The following BCKDHA variants were observed in gnomAD, a reference collection of about 807,000 sequenced individuals.
The protein encoded by BCKDHA is 2-oxoisovalerate dehydrogenase subunit alpha, mitochondrial.
A neutral mutation model predicts 52.2 loss-of-function variants in BCKDHA; 43 were observed. The ratio of observed to expected loss-of-function variants is 0.82; its 90% confidence interval spans 0.64 to 1.06. The LOEUF is 1.06. Ranked by LOEUF, BCKDHA falls within the 50% of genes least tolerant of loss-of-function variation. The pLI is 0.00. For missense variants in BCKDHA, 527 were observed against 621.3 expected (o/e 0.85, Z 1.61); for synonymous variants, 234 against 247.9 (o/e 0.94, Z 0.53).
chr19:41,409,630 A>G (rs2039229927), intron 1 of BCKDHA, among the ~76,000 whole-genome samples: 1 of 152,022 alleles, frequency 6.6e-6, no homozygotes, highest in Non-Finnish European at 1.5e-5. Context: ...GAGAATTGCT[A>G]AGATTGTTTT....
At chr19:41,403,341 T>C (rs1315949714) in intron 1 of BCKDHA, among the ~76,000 whole-genome samples, 3 of 152,210 alleles carry the variant, frequency 2.0e-5, no homozygotes, top group Non-Finnish European at 1.5e-5. Context: ...CCTGAACAAG[T>C]TGCTTAGCCC....
intron 5 of BCKDHA, among the ~76,000 whole-genome samples, chr19:41,421,065 C>T (rs928510142): frequency 2.6e-5 from 4 of 152,072 alleles, no homozygotes; most frequent in African/African-American, 9.7e-5. Flanking sequence ...GCAGTTTGAG[C>T]CTCTTAGGTG....
intron 1 of BCKDHA, among the ~76,000 whole-genome samples, chr19:41,405,560 T>G (rs1402700610): frequency 6.6e-6 from 1 of 152,170 alleles, no homozygotes; most frequent in Non-Finnish European, 1.5e-5. Context: ...ATTACAAGTG[T>G]GAACCACCAC....
rs564517344 is a variant in BCKDHA, at chr19:41,424,932, G to A, written c.*324G>A. On this transcript the variant is annotated 3_prime_UTR_variant, in exon 9 of 9. Coordinates refer to ENST00000269980, the MANE Select transcript of BCKDHA (RefSeq NM_000709.4). ...TGGGGTGGACATGGCAGGTCAGCCT[G>A]TGGAACTTGCGCAGGTGCGAGTGGC... 138 of 292,246 alleles carry A rather than the reference G, an allele frequency of 4.7e-4. 2 individuals are homozygous for A. The South Asian group carries it at 9.5e-3, about 20-fold the overall frequency. 18.1% of individuals were successfully genotyped at this position (292,246 alleles called of 1,614,324 possible).
chr19:41,421,635 G>A (rs1260450684), intron 5 of BCKDHA, among the ~76,000 whole-genome samples: 1 of 81,898 alleles, frequency 1.2e-5, no homozygotes, highest in African/African-American at 7.5e-5. Context: ...TGCAGATGGT[G>A]CAGGTTGGGT....
intron 1 of BCKDHA, among the ~76,000 whole-genome samples, chr19:41,403,952 TGTGA>T (rs945133534): frequency 2.0e-5 from 3 of 152,224 alleles, no homozygotes; most frequent in African/African-American, 4.8e-5. Context: ...TAAAATTTTA[TGTGA>T]GTATTTACTT....
intron 5 of BCKDHA, 21 bp downstream of exon 5, chr19:41,419,317 C>T (rs369477231): frequency 3.7e-6 from 6 of 1,604,876 alleles, no homozygotes; most frequent in South Asian, 2.2e-5. Flanking sequence ...ATGCCCTGTA[C>T]CTTGCACATG....
At chr19:41,412,376 A>ATTTGTTTTTTTTTTTTTTTTT (rs1199996566) in intron 3 of BCKDHA, among the ~76,000 whole-genome samples, 1 of 46,390 alleles carries the variant, frequency 2.2e-5, no homozygotes, top group Non-Finnish European at 4.3e-5. Flanking sequence ...GTCTGTAGAT[A>ATTTGTTTTTTTTTTTTTTTTT]TTTCTTTTTT....
At chr19:41,419,445 AT>A in intron 5 of BCKDHA, 149 bp downstream of exon 5, 1 of 1,109,678 alleles carries the variant, frequency 9.0e-7, no homozygotes, top group Non-Finnish European at 1.3e-6. Flanking sequence ...TCTTCTTCTT[AT>A]TTTTTTCTTT....
rs2039284627 is a variant in BCKDHA, at chr19:41,414,122, A to G, written c.449A>G (p.Asn150Ser). The change falls in exon 4 of 9, where the codon AAC becomes AGC. Residue 150 changes from asparagine to serine, a missense_variant. Transcript: ENST00000269980. ...THVGSAAALD[N>S]TDLVFGQYRE... ...GTGGGGAGTGCCGCCGCCCTGGACA[A>G]CACGGACCTGGTGTTTGGCCAGTAC... 2 of 1,613,544 alleles carry G rather than the reference A, an allele frequency of 1.2e-6. No individual in the cohort carries two copies. Among genetic ancestry groups the G allele is most frequent in the Admixed American group, 3.3e-5 (2 of 59,986 alleles).
chr19:41,406,692 C>A (rs1356164388), intron 1 of BCKDHA, among the ~76,000 whole-genome samples: 1 of 152,130 alleles, frequency 6.6e-6, no homozygotes, highest in Non-Finnish European at 1.5e-5. Flanking sequence ...GCCTCAGCCT[C>A]CCAAGTAGCT....
At position 41,422,325 on chromosome 19, in the gene BCKDHA, G is replaced by A. The variant is rs765045050; in HGVS notation, c.808G>A (p.Ala270Thr). ...CTTCTTCTGCCGGAACAATGGCTAC[G>A]CCATCTCCACGCCCACCTCTGAGCA... ...IIFFCRNNGY[A>T]ISTPTSEQYR... Residue 270 changes from alanine to threonine, a missense_variant, in exon 6 of 9, where the codon GCC (alanine) becomes ACC (threonine). Ala to Thr is a moderately conservative substitution (Grantham distance 58). Coordinates refer to ENST00000269980, the MANE Select transcript of BCKDHA (RefSeq NM_000709.4). 3.1e-6 allele frequency: 5 copies of A among 1,614,064 alleles called. No homozygotes were observed. The highest frequency in any genetic ancestry group is 1.3e-5 in the African/African-American group (1 of 74,934).
intron 1 of BCKDHA, 54 bp from the exon 2 acceptor site, chr19:41,410,583 G>A (rs764988674): frequency 2.1e-5 from 34 of 1,607,710 alleles, no homozygotes; most frequent in Non-Finnish European, 2.5e-5. Flanking sequence ...CTGAGCCAGC[G>A]GAAACCTGGG....
chr19:41,411,050 C>A, intron 3 of BCKDHA, 41 bp downstream of exon 3: 1 of 1,596,952 alleles, frequency 6.3e-7, no homozygotes, highest in South Asian at 1.1e-5. Flanking sequence ...CTGGAATTAC[C>A]TGAGGTCCCC....
At chr19:41,404,531 C>T (rs953892957) in intron 1 of BCKDHA, among the ~76,000 whole-genome samples, 1 of 151,826 alleles carries the variant, frequency 6.6e-6, no homozygotes, top group Non-Finnish European at 1.5e-5. Context: ...CCTCATGATC[C>T]GCCCGCCTCG....
rs2032745043 is a variant in BCKDHA at position 41,424,888 on chromosome 19, C to T, written c.*280C>T. The T allele has an allele frequency of 2.5e-6, 1 of 396,892 alleles. No individual in the cohort carries two copies. Among genetic ancestry groups the T allele is most frequent in the African/African-American group, 2.0e-5 (1 of 49,408 alleles). The allele number at this position is 396,892 out of a possible 1,614,324, so 24.6% of individuals were successfully genotyped here. ...GGGCTGGGTGAGGGCACATTCAGGA[C>T]TAGAAGCCCCTCTGGGCATGGGGTG... On this transcript the variant is annotated 3_prime_UTR_variant, in exon 9 of 9. Coordinates refer to ENST00000269980, the MANE Select transcript of BCKDHA (RefSeq NM_000709.4).
Position 41,424,851 on chromosome 19 carries a change from G to T in BCKDHA, c.*243G>T. ...CCCCCTCTTCACCTGTTGTTACAGT[G>T]CCTTCTCCCAGGGGCTGGGTGAGGG... On this transcript the variant is annotated 3_prime_UTR_variant, in exon 9 of 9. Coordinates refer to ENST00000269980, the MANE Select transcript of BCKDHA (RefSeq NM_000709.4). The T allele has an allele frequency of 2.0e-6, 1 of 495,666 alleles. No individual in the cohort carries two copies. The highest frequency in any genetic ancestry group is 3.6e-6 in the Non-Finnish European group (1 of 279,268). The allele number at this position is 495,666 out of a possible 1,614,324, so 30.7% of individuals were successfully genotyped here.
At chr19:41,401,529 C>T (rs1016516171) in intron 1 of BCKDHA, among the ~76,000 whole-genome samples, 2 of 152,138 alleles carry the variant, frequency 1.3e-5, no homozygotes, top group Non-Finnish European at 2.9e-5. Context: ...CGACTTCTTG[C>T]CCCTGCTCTG....
chr19:41,400,797 G>A (rs2039130952), intron 1 of BCKDHA, among the ~76,000 whole-genome samples: 1 of 151,114 alleles, frequency 6.6e-6, no homozygotes, highest in African/African-American at 2.4e-5. Context: ...GTTGCCTGAG[G>A]CCAGGAGTTC....
Sources: gnomAD v4.1 joint callset for allele counts (sites outside exome capture counted in the v4.1 genomes callset) on GRCh38, gnomAD v4.1.1 for gene constraint, MANE v1.5 for transcripts, NCBI Gene and HGNC (gene_info 2026-07-23, HGNC 2026-07-21) for gene names.